The following CTNND2 variants were observed in gnomAD, a reference collection of about 807,000 sequenced individuals.
CTNND2 encodes the protein catenin delta 2, also known as catenin delta-2.
A neutral mutation model predicts 144.4 loss-of-function variants in CTNND2; 22 were observed. The ratio of observed to expected loss-of-function variants is 0.15; its 90% CI spans 0.11 to 0.22. CTNND2 has a LOEUF of 0.22. Ranked by LOEUF, CTNND2 falls within the 10% of genes least tolerant of loss-of-function variation. The pLI, the probability that CTNND2 is intolerant of heterozygous loss-of-function variation, is 1.00. For missense variants in CTNND2, 1,353 were observed against 1,618.8 expected (o/e 0.84, Z 2.82); for synonymous variants, 751 against 695.6 (o/e 1.08, Z -1.25).
chr5:11,637,123 T>A (rs1045530627), intron 2 of CTNND2, among the ~76,000 whole-genome samples: 2 of 152,160 alleles, frequency 1.3e-5, no homozygotes, highest in African/African-American at 4.8e-5. Flanking sequence ...GTTTATATAT[T>A]TTTTAAGAAA....
chr5:11,708,067 G>A (rs929308720), intron 2 of CTNND2, among the ~76,000 whole-genome samples: 2 of 147,966 alleles, frequency 1.4e-5, no homozygotes, highest in Non-Finnish European at 1.5e-5. Context: ...TTTTTTTTGA[G>A]ATAGGGTCTC....
rs187391357 is a variant in CTNND2 at position 11,306,969 on chromosome 5, C to T, written c.1628+39403G>A. Among the ~76,000 whole-genome samples the T allele has an allele frequency of 2.0e-5, 3 of 152,286 alleles. No homozygotes were observed. The East Asian group carries it at 5.8e-4, about 29-fold the overall frequency. On this transcript the variant is annotated intron_variant, in intron 9 of 21. Transcript: ENST00000304623. ...TGCTCATGGTCTCAGTGCAGGGTTC[C>T]TCTCCACAACCTGGGGTTGTTACCA...
chr5:11,146,724 G>A (rs1184729751), intron 12 of CTNND2, among the ~76,000 whole-genome samples: 1 of 152,148 alleles, frequency 6.6e-6, no homozygotes, highest in Non-Finnish European at 1.5e-5. Flanking sequence ...AGCACATCGT[G>A]AGGACAAAAT....
At chr5:11,705,074 G>A (rs1415422588) in intron 2 of CTNND2, among the ~76,000 whole-genome samples, 2 of 151,950 alleles carry the variant, frequency 1.3e-5, no homozygotes, top group African/African-American at 4.8e-5. Context: ...AATCCAGAAG[G>A]GAAAGAAAAA....
intron 3 of CTNND2, among the ~76,000 whole-genome samples, chr5:11,449,180 T>C (rs1229750205): frequency 2.0e-5 from 3 of 152,168 alleles, no homozygotes; most frequent in Non-Finnish European, 2.9e-5. Context: ...TAAATAAATG[T>C]TTTTCATTGT....
At chr5:11,082,962 G>T in intron 15 of CTNND2, 116 bp from the exon 16 acceptor site, 1 of 1,162,478 alleles carries the variant, frequency 8.6e-7, no homozygotes, top group Non-Finnish European at 1.2e-6. Context: ...GAATTACCAA[G>T]ACCTAGTTGT....
rs1220683500 is a variant in CTNND2 at position 11,291,533 on chromosome 5, T to C, written c.1629-54710A>G. ...TCTCCCTCATACACACACTTGCACA[T>C]GACACTCTCCTGCTCAAAGCTCTCA... On this transcript the variant is annotated intron_variant, in intron 9 of 21. Transcript: ENST00000304623. 3.9e-5 allele frequency among the ~76,000 whole-genome samples: 6 copies of C among 152,176 alleles called. No homozygotes were observed. In the East Asian group the frequency reaches 1.2e-3, roughly 29 times the overall value.
At chr5:11,104,254 G>A (rs374872872) in intron 14 of CTNND2, among the ~76,000 whole-genome samples, 4 of 152,122 alleles carry the variant, frequency 2.6e-5, no homozygotes, top group African/African-American at 9.7e-5. Context: ...GATAAAGGTA[G>A]CAGATCTGCA....
intron 18 of CTNND2, among the ~76,000 whole-genome samples, chr5:11,005,316 G>A (rs564447376): frequency 3.9e-5 from 6 of 152,344 alleles, no homozygotes; most frequent in Admixed American, 1.3e-4. Flanking sequence ...GCGCAGGGAG[G>A]TGAGCAGGAC....
At position 11,752,136 on chromosome 5, in the gene CTNND2, T is replaced by C. The variant is rs77433241; in HGVS notation, c.38-19864A>G. ...GTCAGATGCATAAGTTACAAATATC[T>C]TCTCCCATTCTGTACGCCGTCTGTT... On this transcript the variant is annotated intron_variant, in intron 1 of 21. Coordinates refer to ENST00000304623, the MANE Select transcript of CTNND2 (RefSeq NM_001332.4). Among the ~76,000 whole-genome samples the C allele has an allele frequency of 2.5e-3, 377 of 152,038 alleles. 3 individuals are homozygous for C. In the East Asian group the frequency reaches 0.047, roughly 19 times the overall value.
chr5:11,433,716 G>A (rs1380978613), intron 3 of CTNND2, among the ~76,000 whole-genome samples: 1 of 152,172 alleles, frequency 6.6e-6, no homozygotes, highest in Non-Finnish European at 1.5e-5. Flanking sequence ...CACTATCGCA[G>A]AGACAGCACC....
intron 9 of CTNND2, among the ~76,000 whole-genome samples, chr5:11,254,287 G>A (rs1743976968): frequency 6.6e-6 from 1 of 152,160 alleles, no homozygotes; most frequent in African/African-American, 2.4e-5. Flanking sequence ...AAGTTTCCCT[G>A]AATACATACC....
chr5:11,189,991 T>G lies in CTNND2; in HGVS notation c.1975+9457A>C, dbSNP rs1296087053. Among the ~76,000 whole-genome samples the G allele has an allele frequency of 2.6e-5, 4 of 152,308 alleles. No individual in the cohort carries two copies. The East Asian group carries it at 7.7e-4, about 29-fold the overall frequency. ...TCTGCCTGTGCATATGATTTGGGCT[T>G]GCCTCTGTGAAGAGATAATCCTAAA... On this transcript the variant is annotated intron_variant, in intron 11 of 21. Coordinates refer to ENST00000304623, the MANE Select transcript of CTNND2 (RefSeq NM_001332.4).
At chr5:11,539,020 T>C (rs902882709) in intron 3 of CTNND2, among the ~76,000 whole-genome samples, 1 of 152,200 alleles carries the variant, frequency 6.6e-6, no homozygotes, top group Admixed American at 6.5e-5. Flanking sequence ...GATTCATTAA[T>C]ATTATTGCCA....
chr5:11,541,995 T>C (rs1342320062), intron 3 of CTNND2, among the ~76,000 whole-genome samples: 1 of 148,596 alleles, frequency 6.7e-6, no homozygotes, highest in Non-Finnish European at 1.5e-5. Context: ...CCTCCCCAAT[T>C]AAAAAAAAAA....
chr5:11,310,166 G>C (rs1182611773), intron 9 of CTNND2, among the ~76,000 whole-genome samples: 1 of 152,080 alleles, frequency 6.6e-6, no homozygotes, highest in Non-Finnish European at 1.5e-5. Context: ...CAATGGGCTA[G>C]GTCCTGGGCT....
chr5:11,628,694 G>A (rs1781274345), intron 2 of CTNND2, among the ~76,000 whole-genome samples: 1 of 152,064 alleles, frequency 6.6e-6, no homozygotes, highest in Non-Finnish European at 1.5e-5. Context: ...TAAGAGGGCT[G>A]ATTGTTCTTC....
chr5:11,678,944 T>C (rs1050679661), intron 2 of CTNND2, among the ~76,000 whole-genome samples: 1 of 151,934 alleles, frequency 6.6e-6, no homozygotes, highest in Non-Finnish European at 1.5e-5. Context: ...CTTGGTCATA[T>C]TGATAGATAT....
Position 11,606,681 on chromosome 5 carries a change from T to C in CTNND2, c.175-41625A>G, listed in dbSNP as rs144049849. Among the ~76,000 whole-genome samples the C allele has an allele frequency of 2.0e-3, 303 of 152,294 alleles. 3 individuals carry two copies. The highest frequency in any genetic ancestry group is 7.0e-3 in the African/African-American group (292 of 41,572). ...GTGAGGGCTGGAGGCATCAGTCAGC[T>C]TTATAAGTGTGTCATAAACATATCA... On this transcript the variant is annotated intron_variant, in intron 2 of 21. Transcript: ENST00000304623.
Sources: gnomAD v4.1 joint callset for allele counts (sites outside exome capture counted in the v4.1 genomes callset) on GRCh38, gnomAD v4.1.1 for gene constraint, MANE v1.5 for transcripts, NCBI Gene and HGNC (gene_info 2026-07-23, HGNC 2026-07-21) for gene names.